Variants in PRKCH observed in about 807,000 individuals in gnomAD.
The protein encoded by PRKCH is protein kinase C eta, also known as protein kinase C eta type.
Under a neutral mutation model 82.5 loss-of-function variants are expected in PRKCH, and 28 were observed. The observed-to-expected ratio is 0.34, with a 90% CI of 0.25 to 0.47. The LOEUF (loss-of-function observed/expected upper bound fraction) is 0.47. Ranked by LOEUF, PRKCH falls within the 20% of genes least tolerant of loss-of-function variation. PRKCH has a pLI of 1.00. For missense variants in PRKCH, 705 were observed against 881.8 expected, an observed-to-expected ratio of 0.80 and a Z score of 2.54; for synonymous variants, 322 against 327.4, an observed-to-expected ratio of 0.98 and a Z score of 0.18.
At chr14:61,317,390 G>T (rs1266082434), upstream of PRKCH, among the ~76,000 whole-genome samples, 2 of 152,124 alleles carry the variant, frequency 1.3e-5, no homozygotes, top group Non-Finnish European at 2.9e-5. Context: ...ACTGTTGAAA[G>T]ATTACTAAGG....
chr14:61,467,382 C>T (rs76868212), intron 9 of PRKCH, among the ~76,000 whole-genome samples: 6,981 of 152,298 alleles, frequency 0.046, 553 homozygotes, highest in African/African-American at 0.16. Context: ...GGGGCTGCAG[C>T]CTGCCCTGTC....
chr14:61,473,137 G>A (rs1885578429), intron 9 of PRKCH, among the ~76,000 whole-genome samples: 1 of 152,178 alleles, frequency 6.6e-6, no homozygotes, highest in Non-Finnish European at 1.5e-5. Context: ...CAGTGCAAAG[G>A]CACAGAGGCT....
At chr14:61,505,419 TTTTTTG>T in intron 10 of PRKCH, among the ~76,000 whole-genome samples, 1 of 126,640 alleles carries the variant, frequency 7.9e-6, no homozygotes, top group African/African-American at 3.7e-5. Flanking sequence ...TTTTTTTTTT[TTTTTTG>T]AGGTGGAGTC....
chr14:61,460,096 C>T (rs765269534), intron 9 of PRKCH, among the ~76,000 whole-genome samples: 2 of 152,188 alleles, frequency 1.3e-5, no homozygotes, highest in African/African-American at 2.4e-5. Context: ...ATCCACCCAC[C>T]TCAGTCACTC....
At chr14:61,239,490 C>G (rs1480868195) in intron 1 of PRKCH, among the ~76,000 whole-genome samples, 2 of 152,126 alleles carry the variant, frequency 1.3e-5, no homozygotes, top group East Asian at 3.9e-4. Flanking sequence ...TTCGAGGTAC[C>G]CGGATGGCCT....
intron 1 of PRKCH, among the ~76,000 whole-genome samples, chr14:61,284,284 T>C (rs140119722): frequency 8.5e-5 from 13 of 152,162 alleles, no homozygotes; most frequent in Non-Finnish European, 1.8e-4. Flanking sequence ...ATTTGAAAGA[T>C]AAAAAATTCA....
rs959536177 is a variant in PRKCH, at chr14:61,550,019, G to A, written c.*188G>A. On this transcript the variant is annotated 3_prime_UTR_variant, in exon 14 of 14. Coordinates refer to ENST00000332981, the MANE Select transcript of PRKCH (RefSeq NM_006255.5). ...TATTTAGAGTCCAGAGGGAGCCATG[G>A]CACTAGAAATAGTTGATAATGAAAT... 1.8e-6 allele frequency: 1 copy of A among 563,092 alleles called. No individual in the cohort carries two copies. The highest frequency in any genetic ancestry group is 3.0e-6 in the Non-Finnish European group (1 of 329,838). The allele number at this position is 563,092 out of a possible 1,614,324, so 34.9% of individuals were successfully genotyped here.
At chr14:61,434,687 C>T (rs1209737132) in intron 2 of PRKCH, among the ~76,000 whole-genome samples, 1 of 152,138 alleles carries the variant, frequency 6.6e-6, no homozygotes, top group Admixed American at 6.6e-5. Context: ...CTATTGTAAA[C>T]ATTTTCTACT....
intron 2 of PRKCH, among the ~76,000 whole-genome samples, chr14:61,426,537 T>A (rs1021728197): frequency 6.6e-6 from 1 of 152,216 alleles, no homozygotes; most frequent in Non-Finnish European, 1.5e-5. Context: ...AATGCTTTGA[T>A]CTAGGGTAAT....
chr14:61,295,340 C>T (rs1322453164), intron 1 of PRKCH, among the ~76,000 whole-genome samples: 2 of 152,140 alleles, frequency 1.3e-5, no homozygotes, highest in Non-Finnish European at 2.9e-5. Flanking sequence ...TGCCATGTTG[C>T]ACAGAATTAC....
chr14:61,525,388 A>G (rs2042952774), intron 10 of PRKCH, among the ~76,000 whole-genome samples: 1 of 152,172 alleles, frequency 6.6e-6, no homozygotes, highest in South Asian at 2.1e-4. Flanking sequence ...CAGTTCTGAG[A>G]ATGCCTAAAA....
intron 1 of PRKCH, among the ~76,000 whole-genome samples, chr14:61,195,950 A>G (rs557491289): frequency 1.2e-4 from 19 of 152,322 alleles, no homozygotes; most frequent in African/African-American, 3.8e-4. Context: ...GGGGGCATGG[A>G]AACATTCAGT....
At chr14:61,237,208 A>T (rs555601209) in intron 1 of PRKCH, among the ~76,000 whole-genome samples, 30 of 148,128 alleles carry the variant, frequency 2.0e-4, no homozygotes, top group Non-Finnish European at 4.0e-4. Flanking sequence ...ATGCCACTGT[A>T]CTCCACCCTG....
At chr14:61,532,707 T>A (rs1415297634) in intron 12 of PRKCH, among the ~76,000 whole-genome samples, 1 of 152,232 alleles carries the variant, frequency 6.6e-6, no homozygotes, top group Non-Finnish European at 1.5e-5. Context: ...TATGTAAATA[T>A]GGATATTTTT....
chr14:61,236,725 A>AAT (rs1566790074), intron 1 of PRKCH, among the ~76,000 whole-genome samples: 1 of 148,678 alleles, frequency 6.7e-6, no homozygotes, highest in East Asian at 2.0e-4. Context: ...AAAAAAAAAA[A>AAT]AAAAAAGAAA....
intron 1 of PRKCH, among the ~76,000 whole-genome samples, chr14:61,335,299 A>G (rs1318340516): frequency 6.6e-6 from 1 of 152,164 alleles, no homozygotes; most frequent in Non-Finnish European, 1.5e-5. Flanking sequence ...TGTTTTCTAA[A>G]GAGAGGATGG....
intron 1 of PRKCH, among the ~76,000 whole-genome samples, chr14:61,199,816 A>G (rs2044466377): frequency 6.6e-6 from 1 of 152,190 alleles, no homozygotes; most frequent in African/African-American, 2.4e-5. Flanking sequence ...ATTAAACTTA[A>G]GCTGCACGCA....
At chr14:61,446,094 G>A (rs1181334098) in intron 4 of PRKCH, among the ~76,000 whole-genome samples, 3 of 151,356 alleles carry the variant, frequency 2.0e-5, no homozygotes, top group Admixed American at 6.6e-5. Context: ...ATGAAAAGTA[G>A]CACACTGCTG....
In PRKCH at chr14:61,280,745, C is replaced by T. The variant is rs1266532540; in HGVS notation, c.-19+93077C>T. On this transcript the variant is annotated intron_variant, in intron 1 of 3. Transcript: ENST00000555185. The surrounding 1 kb of genome is among the most constrained non-coding windows in gnomAD (Gnocchi z 5.0). Reference sequence around the variant, plus strand: ...GGGTGGCGCAGCGCGCTGGGGAGTCCGCTCAGCTGCGCGTCGTCGCGGGAC... The same window carrying T: ...GGGTGGCGCAGCGCGCTGGGGAGTCTGCTCAGCTGCGCGTCGTCGCGGGAC... 1.3e-6 allele frequency: 2 copies of T among 1,565,344 alleles called. No individual in the cohort carries two copies. The highest frequency in any genetic ancestry group is 1.7e-6 in the Non-Finnish European group (2 of 1,162,692).
Sources: allele counts gnomAD v4.1 joint callset (sites outside exome capture counted in the v4.1 genomes callset), GRCh38; gene constraint gnomAD v4.1.1; non-coding constraint Gnocchi (gnomAD v3.1); transcripts MANE v1.5; gene names NCBI Gene and HGNC (gene_info 2026-07-23, HGNC 2026-07-21).